The following LPCAT1 variants were observed in gnomAD, a reference collection of about 807,000 sequenced individuals.
The protein encoded by LPCAT1 is 1-acylglycerol-3-phosphate O-acyltransferase.
A neutral mutation model predicts 60.9 loss-of-function variants in LPCAT1; 23 were observed. The ratio of observed to expected loss-of-function variants is 0.38; its 90% confidence interval spans 0.27 to 0.53. The LOEUF (loss-of-function observed/expected upper bound fraction) is 0.53, where lower values mean the gene tolerates loss of function less well. Ranked by LOEUF, LPCAT1 falls within the 20% of genes least tolerant of loss-of-function variation. LPCAT1 has a pLI of 0.82. For missense variants in LPCAT1, 622 were observed against 723.6 expected, an observed-to-expected ratio of 0.86 and a Z score of 1.61; for synonymous variants, 340 against 301.1, an observed-to-expected ratio of 1.13 and a Z score of -1.34.
At chr5:1,486,158 A>C (rs1735363352) in intron 5 of LPCAT1, among the ~76,000 whole-genome samples, 1 of 152,158 alleles carries the variant, frequency 6.6e-6, no homozygotes, top group Non-Finnish European at 1.5e-5. Context: ...AAGGCCCCAC[A>C]TGGGCCTGTT....
At chr5:1,497,272 T>C (rs999482320) in intron 2 of LPCAT1, among the ~76,000 whole-genome samples, 1 of 152,054 alleles carries the variant, frequency 6.6e-6, no homozygotes, top group African/African-American at 2.4e-5. Flanking sequence ...TCCCAGAACA[T>C]GCAGGGGGAA....
At chr5:1,519,388 C>T (rs1251506467) in intron 1 of LPCAT1, among the ~76,000 whole-genome samples, 1 of 152,222 alleles carries the variant, frequency 6.6e-6, no homozygotes, top group African/African-American at 2.4e-5. Flanking sequence ...GGACAGAATG[C>T]TATAAAAAAT....
rs759463876 is a variant in LPCAT1 at position 1,477,545 on chromosome 5, G to GT, written c.817-60dup. ...AGACGCTGACCTCAGCAACACCACT[G>GT]TAACGACAACTGGGAGGCTGACAAA... is the stretch of plus-strand genomic sequence containing the variant. On this transcript the variant is annotated intron_variant, in intron 8 of 13. Coordinates refer to ENST00000283415, the MANE Select transcript of LPCAT1 (RefSeq NM_024830.5). The surrounding 1 kb of genome is among the most constrained non-coding windows in gnomAD (Gnocchi z 6.0). 70 of 1,275,576 alleles carry GT rather than the reference G, an allele frequency of 5.5e-5. No homozygotes were observed. Among genetic ancestry groups the GT allele is most frequent in the Non-Finnish European group, 6.8e-5 (60 of 887,862 alleles). The allele number at this position is 1,275,576 out of a possible 1,614,324, so 79.0% of individuals were successfully genotyped here. A position where few individuals can be genotyped will look rare whatever the true frequency, so the allele number is the denominator to read the frequency against.
intron 11 of LPCAT1, among the ~76,000 whole-genome samples, chr5:1,473,452 G>A (rs1734770765): frequency 6.6e-6 from 1 of 152,376 alleles, no homozygotes; most frequent in Admixed American, 6.5e-5. Context: ...TGGTGTGACC[G>A]TGGATGCCTC....
chr5:1,487,551 C>T lies in LPCAT1; in HGVS notation c.667+840G>A, dbSNP rs1055308729. 6.6e-6 allele frequency among the ~76,000 whole-genome samples: 1 copy of T among 152,174 alleles called. No individual in the cohort carries two copies. The highest frequency in any genetic ancestry group is 1.5e-5 in the Non-Finnish European group (1 of 68,032). On this transcript the variant is annotated intron_variant, in intron 5 of 13. Transcript: ENST00000283415. This position sits in a 1 kb window ranked among gnomAD's most constrained non-coding sequence, Gnocchi z 6.1. ...CGGCACACGTAGGTGAGTGACTGCA[C>T]ACTTTCTCGACCCAGCTCCCATAAA...
intron 13 of LPCAT1, among the ~76,000 whole-genome samples, chr5:1,466,393 G>A (rs1244674573): frequency 6.6e-6 from 1 of 152,210 alleles, no homozygotes; most frequent in Non-Finnish European, 1.5e-5. Flanking sequence ...GCCACACCCC[G>A]GCTGGCAGTG....
At chr5:1,491,056 G>T (rs952096603) in intron 3 of LPCAT1, among the ~76,000 whole-genome samples, 1 of 151,720 alleles carries the variant, frequency 6.6e-6, no homozygotes. Flanking sequence ...CTCCAAGAAC[G>T]AGAAAATTGA....
At chr5:1,465,224 ACACAAAACAAGCACACG>A (rs1182286425) in intron 13 of LPCAT1, among the ~76,000 whole-genome samples, 2 of 150,082 alleles carry the variant, frequency 1.3e-5, no homozygotes, top group African/African-American at 2.5e-5. Flanking sequence ...GCGTGCACAC[ACACAAAACAAGCACACG>A]CACACAGCAA....
At chr5:1,465,004 C>A (rs984928895) in intron 13 of LPCAT1, among the ~76,000 whole-genome samples, 2 of 148,176 alleles carry the variant, frequency 1.3e-5, no homozygotes, top group Non-Finnish European at 3.0e-5. Context: ...CACACAATAA[C>A]ATGCACACAC....
intron 3 of LPCAT1, 67 bp from the exon 4 acceptor site, chr5:1,489,925 G>C (rs544019466): frequency 2.3e-5 from 27 of 1,168,116 alleles, no homozygotes; most frequent in Non-Finnish European, 2.8e-5. Context: ...GCTGAGGAAC[G>C]AGGGGGCTGC....
intron 13 of LPCAT1, among the ~76,000 whole-genome samples, chr5:1,466,246 G>C (rs997776888): frequency 6.6e-6 from 1 of 152,204 alleles, no homozygotes; most frequent in Non-Finnish European, 1.5e-5. Context: ...AATCAGCCGT[G>C]TTACCAGTCA....
intron 3 of LPCAT1, among the ~76,000 whole-genome samples, chr5:1,493,539 G>A (rs1262638472): frequency 5.3e-5 from 8 of 152,372 alleles, no homozygotes; most frequent in East Asian, 1.9e-4. Flanking sequence ...GACGCCCCTC[G>A]TCCCAGCAGC....
Position 1,522,161 on chromosome 5 carries a change from C to T in LPCAT1, c.135+1549G>A, listed in dbSNP as rs984787143. Among the ~76,000 whole-genome samples the T allele has an allele frequency of 6.6e-6, 1 of 151,824 alleles. No homozygotes were observed. Among genetic ancestry groups the T allele is most frequent in the Non-Finnish European group, 1.5e-5 (1 of 68,014 alleles). On this transcript the variant is annotated intron_variant, in intron 1 of 13. Transcript: ENST00000283415. This position sits in a 1 kb window ranked among gnomAD's most constrained non-coding sequence, Gnocchi z 6.8. Reference sequence around the variant, plus strand: ...CCACAGCAGGGGTTCGAATTTCATCCGGGGGCGTCCCCGCTGAGGGCTTCC... The same window carrying T: ...CCACAGCAGGGGTTCGAATTTCATCTGGGGGCGTCCCCGCTGAGGGCTTCC...
At chr5:1,497,135 AAG>A (rs775402495) in intron 2 of LPCAT1, among the ~76,000 whole-genome samples, 1 of 152,244 alleles carries the variant, frequency 6.6e-6, no homozygotes, top group Non-Finnish European at 1.5e-5. Context: ...CACGCTCGCC[AAG>A]AGAGTCTGGA....
At chr5:1,467,049 C>G in intron 12 of LPCAT1, 159 bp from the exon 13 acceptor site, 1 of 681,400 alleles carries the variant, frequency 1.5e-6, no homozygotes, top group Non-Finnish European at 2.1e-6. Flanking sequence ...CCATGTGGAG[C>G]CATGCAGCAG....
intron 2 of LPCAT1, among the ~76,000 whole-genome samples, chr5:1,497,082 G>A (rs549935438): frequency 4.1e-4 from 63 of 152,316 alleles, no homozygotes; most frequent in Non-Finnish European, 5.3e-4. Flanking sequence ...ACCCCAAGGA[G>A]ACAGAAAGGG....
chr5:1,518,568 C>T (rs1736579097), intron 1 of LPCAT1, among the ~76,000 whole-genome samples: 1 of 152,230 alleles, frequency 6.6e-6, no homozygotes, highest in South Asian at 2.1e-4. Flanking sequence ...TCTCGATCTC[C>T]CGACCTCATG....
At chr5:1,519,211 T>C (rs979153910) in intron 1 of LPCAT1, among the ~76,000 whole-genome samples, 1 of 152,234 alleles carries the variant, frequency 6.6e-6, no homozygotes, top group African/African-American at 2.4e-5. Flanking sequence ...CTGTCAGCTG[T>C]AAAACAAAAC....
chr5:1,500,860 G>C (rs1438569369), intron 2 of LPCAT1, among the ~76,000 whole-genome samples: 1 of 152,240 alleles, frequency 6.6e-6, no homozygotes, highest in African/African-American at 2.4e-5. Flanking sequence ...CTCACACCTG[G>C]AAGATGGCCC....
Sources: gnomAD v4.1 joint callset for allele counts (sites outside exome capture counted in the v4.1 genomes callset) on GRCh38, gnomAD v4.1.1 for gene constraint, Gnocchi (gnomAD v3.1) non-coding constraint, MANE v1.5 for transcripts, NCBI Gene and HGNC (gene_info 2026-07-23, HGNC 2026-07-21) for gene names.